Variants in CFTR observed in about 807,000 individuals in gnomAD.
CFTR encodes cystic fibrosis transmembrane conductance regulator.
A neutral mutation model predicts 171.6 loss-of-function variants in CFTR; 181 were observed. The ratio of observed to expected loss-of-function variants is 1.05; its 90% CI spans 0.93 to 1.19. The LOEUF is 1.19. Ranked by LOEUF, CFTR falls within the 50% of genes most tolerant of loss-of-function variation. The probability of loss-of-function intolerance (pLI) is 0.00; values close to 1 mark genes in which losing one functional copy is unlikely to be tolerated. For synonymous variants in CFTR, 583 were observed against 608.0 expected, an observed-to-expected ratio of 0.96 and a Z score of 0.60; for missense variants, 1,968 against 1,734.7, an observed-to-expected ratio of 1.13 and a Z score of -2.39.
At chr7:117,605,123 A>G (rs1792282571) in intron 17 of CFTR, 1 of 152,236 alleles carries the variant, frequency 6.6e-6, no homozygotes, top group Non-Finnish European at 1.5e-5. Context: ...TTTTGTTCCC[A>G]CAGAGGGTGC....
chr7:117,617,193 A>G (rs1205664200), intron 21 of CFTR, among the ~76,000 whole-genome samples: 1 of 152,082 alleles, frequency 6.6e-6, no homozygotes, highest in African/African-American at 2.4e-5. Flanking sequence ...TGGAAAGAAT[A>G]GTTTATTTAC....
intron 1 of CFTR, among the ~76,000 whole-genome samples, chr7:117,500,517 T>G (rs969158070): frequency 2.0e-5 from 3 of 152,086 alleles, no homozygotes; most frequent in African/African-American, 4.8e-5. Flanking sequence ...CTCGAACTCC[T>G]TACCTCAGGT....
intron 22 of CFTR, among the ~76,000 whole-genome samples, chr7:117,640,989 C>G (rs1355471932): frequency 6.6e-6 from 1 of 151,850 alleles, no homozygotes; most frequent in Admixed American, 6.6e-5. Flanking sequence ...ATTTTTGGTA[C>G]AAACAAAAGC....
At position 117,639,477 on chromosome 7, in the gene CFTR, CTG is replaced by C. The variant is rs138046494; in HGVS notation, c.3718-2960_3718-2959del. ...TGGAGTCAGATTCTTCATGATAAAT[CTG>C]GACTTAATCAAAATTCCTCATATGG... On this transcript the variant is annotated intron_variant, in intron 22 of 26. Transcript: ENST00000003084. Among the ~76,000 whole-genome samples the C allele has an allele frequency of 7.9e-3, 1,197 of 152,206 alleles. 10 individuals carry two copies. The highest frequency in any genetic ancestry group is 0.034 in the Middle Eastern group (10 of 294).
In CFTR at chr7:117,524,099, T is replaced by C. The variant is rs555977506; in HGVS notation, c.274-6800T>C. Among the ~76,000 whole-genome samples, 70 of 152,320 alleles carry C rather than the reference T, an allele frequency of 4.6e-4. No individual in the cohort carries two copies. In the Middle Eastern group the frequency reaches 0.01, roughly 22 times the overall value. The stretch of plus-strand genomic sequence containing the variant: ...TCTTTCTGTATTTATCGTATGTCTG[T>C]ATAGATATATATTAGCAGATAAATG... On this transcript the variant is annotated intron_variant, in intron 3 of 26. Transcript: ENST00000003084.
chr7:117,508,635 C>T (rs1036341899), intron 2 of CFTR, among the ~76,000 whole-genome samples: 2 of 152,132 alleles, frequency 1.3e-5, no homozygotes, highest in Non-Finnish European at 2.9e-5. Context: ...CAGTTCTAAA[C>T]CAATAAAGAT....
intron 1 of CFTR, among the ~76,000 whole-genome samples, chr7:117,486,290 G>C (rs1798073408): frequency 6.6e-6 from 1 of 152,130 alleles, no homozygotes; most frequent in African/African-American, 2.4e-5. Context: ...CATGATTCTG[G>C]GTAACCTGGA....
In CFTR at chr7:117,667,367, G is replaced by C. The variant is rs1793402828; in HGVS notation, c.*259G>C. 2.2e-6 allele frequency: 1 copy of C among 449,146 alleles called. No individual in the cohort carries two copies. Among genetic ancestry groups the C allele is most frequent in the South Asian group, 2.1e-5 (1 of 47,772 alleles). 27.8% of individuals were successfully genotyped at this position (449,146 alleles called of 1,614,324 possible). A position where few individuals can be genotyped will look rare whatever the true frequency, so the allele number is the denominator to read the frequency against. ...CTTGAAGATTTACCACTTGTGTTTT[G>C]CAAGCCAGATTTTCCTGAAAACCCT... On this transcript the variant is annotated 3_prime_UTR_variant, in exon 27 of 27. Coordinates refer to ENST00000003084, the MANE Select transcript of CFTR (RefSeq NM_000492.4).
In CFTR at chr7:117,592,787, A is replaced by G. The variant is rs1584812922; in HGVS notation, c.2490+130A>G. The G allele has an allele frequency of 2.1e-5, 15 of 717,550 alleles. No individual in the cohort carries two copies. In the South Asian group the frequency reaches 6.7e-4, roughly 32 times the overall value. 44.4% of individuals were successfully genotyped at this position (717,550 alleles called of 1,614,324 possible). On this transcript the variant is annotated intron_variant, in intron 14 of 26. Transcript: ENST00000003084. ...AGGTGTATCTTAAAACTCAGAAAGT[A>G]TGAAGTTCATTAATTATACAAGCAA...
chr7:117,509,172 T>C (rs1798473379), intron 3 of CFTR, 30 bp downstream of exon 3: 2 of 1,190,020 alleles, frequency 1.7e-6, no homozygotes, highest in Non-Finnish European at 2.5e-6. Context: ...ATTCATTATG[T>C]ATCACATAAC....
intron 16 of CFTR, among the ~76,000 whole-genome samples, chr7:117,603,092 C>T (rs1484196879): frequency 1.3e-5 from 2 of 152,052 alleles, no homozygotes; most frequent in Admixed American, 1.3e-4. Flanking sequence ...ATCACTTGAG[C>T]CCAGGAGTTC....
intron 10 of CFTR, 59 bp from the exon 11 acceptor site, chr7:117,559,405 G>A: frequency 2.8e-6 from 3 of 1,055,456 alleles, no homozygotes; most frequent in Non-Finnish European, 3.0e-6. Context: ...ATAATTGGAG[G>A]CAAGTGAATC....
At chr7:117,517,498 A>G (rs1446320346) in intron 3 of CFTR, among the ~76,000 whole-genome samples, 1 of 152,096 alleles carries the variant, frequency 6.6e-6, no homozygotes, top group African/African-American at 2.4e-5. Flanking sequence ...GCTATTGTGA[A>G]CGCTGCAGCA....
chr7:117,565,401 T>C (rs945734559), intron 11 of CFTR, among the ~76,000 whole-genome samples: 4 of 152,208 alleles, frequency 2.6e-5, no homozygotes, highest in African/African-American at 9.6e-5. Context: ...CGTAGTCCCA[T>C]GGCTGACAGG....
At chr7:117,561,921 G>A (rs1039404466) in intron 11 of CFTR, among the ~76,000 whole-genome samples, 13 of 152,146 alleles carry the variant, frequency 8.5e-5, no homozygotes, top group African/African-American at 3.1e-4. Flanking sequence ...TTCTAAGGGT[G>A]ACAAGAATGA....
At chr7:117,603,165 A>T (rs1299619988) in intron 16 of CFTR, among the ~76,000 whole-genome samples, 3 of 152,134 alleles carry the variant, frequency 2.0e-5, no homozygotes, top group Admixed American at 2.0e-4. Flanking sequence ...ATATAGTGAG[A>T]TCCTATATCT....
chr7:117,563,774 C>T lies in CFTR; in HGVS notation c.1584+4119C>T, dbSNP rs983323581. On this transcript the variant is annotated intron_variant, in intron 11 of 26. Transcript: ENST00000003084. ...AAAAAATAAACAATTTATGCTTCTTCTTTGCCTAAGTGTCAAATAAAACAT... is the reference window on the plus strand; with the variant it reads ...AAAAAATAAACAATTTATGCTTCTTTTTTGCCTAAGTGTCAAATAAAACAT... 1.1e-4 allele frequency among the ~76,000 whole-genome samples: 16 copies of T among 152,158 alleles called. No homozygotes were observed. The highest frequency in any genetic ancestry group is 3.1e-4 in the African/African-American group (13 of 41,456).
In CFTR at chr7:117,620,305, T is replaced by G. The variant is rs567019317; in HGVS notation, c.3468+5592T>G. Among the ~76,000 whole-genome samples, 5 of 152,334 alleles carry G rather than the reference T, an allele frequency of 3.3e-5. No homozygotes were observed. In the East Asian group the frequency reaches 9.7e-4, roughly 29 times the overall value. On this transcript the variant is annotated intron_variant, in intron 21 of 26. Coordinates refer to ENST00000003084, the MANE Select transcript of CFTR (RefSeq NM_000492.4). ...AGTCCTAGCCTCCTTGAGGGTCTTA[T>G]TTTTCTCATTTGTAAAATGAAACAG...
chr7:117,521,845 T>G (rs924964342), intron 3 of CFTR, among the ~76,000 whole-genome samples: 2 of 152,172 alleles, frequency 1.3e-5, no homozygotes, highest in African/African-American at 4.8e-5. Context: ...TTTTTTCACC[T>G]GAACTTTCCT....
Sources: allele counts gnomAD v4.1 joint callset (sites outside exome capture counted in the v4.1 genomes callset), GRCh38; gene constraint gnomAD v4.1.1; transcripts MANE v1.5; gene names NCBI Gene and HGNC (gene_info 2026-07-23, HGNC 2026-07-21).